TSHZ2: variants seen among roughly 807,000 people sequenced by gnomAD.
TSHZ2 encodes teashirt homolog 2.
A neutral mutation model predicts 74.4 loss-of-function variants in TSHZ2; 21 were observed. That is an observed-to-expected ratio of 0.28 (90% CI 0.20 to 0.41). The LOEUF (loss-of-function observed/expected upper bound fraction) is 0.41, where lower values mean the gene tolerates loss of function less well. Ranked by LOEUF, TSHZ2 falls within the 10% of genes least tolerant of loss-of-function variation. The pLI, the probability that TSHZ2 is intolerant of heterozygous loss-of-function variation, is 1.00. For missense variants in TSHZ2, 1,244 were observed against 1,293.5 expected, an observed-to-expected ratio of 0.96 and a Z score of 0.59; for synonymous variants, 540 against 515.3, an observed-to-expected ratio of 1.05 and a Z score of -0.65.
rs1043111901 is a variant in TSHZ2 at position 53,491,545 on chromosome 20, G to A, written c.*4410G>A. On this transcript the variant is annotated 3_prime_UTR_variant, in exon 3 of 3. Coordinates refer to ENST00000371497, the MANE Select transcript of TSHZ2 (RefSeq NM_173485.6). ...AAGTAAAAGCCACTTATCTCCTTTG[G>A]TTCCCAGTGACAGATTCAGAGGCAT... 3.3e-5 allele frequency: 5 copies of A among 152,092 alleles called. No individual in the cohort carries two copies. Among genetic ancestry groups the A allele is most frequent in the African/African-American group, 1.2e-4 (5 of 41,394 alleles). 9.4% of individuals were successfully genotyped at this position (152,092 alleles called of 1,614,324 possible). A position where few individuals can be genotyped will look rare whatever the true frequency, so the allele number is the denominator to read the frequency against.
rs55692015 is a variant in TSHZ2 at position 53,008,980 on chromosome 20, C to CCTCTCTCTCTCTCTCTCT, written c.40+35681_40+35698dup. 2.3e-4 allele frequency among the ~76,000 whole-genome samples: 30 copies of CCTCTCTCTCTCTCTCTCT among 130,530 alleles called. 1 individual carries two copies. The highest frequency in any genetic ancestry group is 3.4e-4 in the African/African-American group (11 of 31,900). The allele number at this position is 130,530 out of a possible 152,430, so 85.6% of individuals were successfully genotyped here. On this transcript the variant is annotated intron_variant, in intron 1 of 2. Transcript: ENST00000371497. ...GAAGTTATTTGAATGTTGTCTTTCTCCTCTCTCTCTCTCTCTCTCTCTCTC... is the reference window on the plus strand; with the variant it reads ...GAAGTTATTTGAATGTTGTCTTTCTCCTCTCTCTCTCTCTCTCTCTCTCTCTCTCTCTCTCTCTCTCTC...
At chr20:53,016,254 C>T (rs1264098782) in intron 1 of TSHZ2, among the ~76,000 whole-genome samples, 2 of 152,138 alleles carry the variant, frequency 1.3e-5, no homozygotes, top group South Asian at 2.1e-4. Flanking sequence ...TCTTCCTCCT[C>T]CCTTCCCCTC....
chr20:53,342,423 C>T (rs1980245093), intron 2 of TSHZ2, among the ~76,000 whole-genome samples: 1 of 151,194 alleles, frequency 6.6e-6, no homozygotes. Context: ...TTCCATTTTA[C>T]CAATGGGGTT....
At chr20:52,986,919 G>A (rs1981788527) in intron 1 of TSHZ2, among the ~76,000 whole-genome samples, 1 of 152,062 alleles carries the variant, frequency 6.6e-6, no homozygotes, top group East Asian at 1.9e-4. Context: ...GTGTTTGTGT[G>A]TTTTGTGTGT....
intron 2 of TSHZ2, among the ~76,000 whole-genome samples, chr20:53,339,499 G>C (rs1047806837): frequency 6.6e-6 from 1 of 152,182 alleles, no homozygotes; most frequent in Non-Finnish European, 1.5e-5. Context: ...TCTCACACTG[G>C]GGCACGTGGG....
At chr20:53,447,423 C>T (rs148690336) in intron 2 of TSHZ2, among the ~76,000 whole-genome samples, 9 of 152,286 alleles carry the variant, frequency 5.9e-5, no homozygotes, top group African/African-American at 1.7e-4. Flanking sequence ...TGCAAAAAAT[C>T]GCAGTTTATG....
chr20:53,214,970 G>GGGA (rs1989400303), intron 1 of TSHZ2, among the ~76,000 whole-genome samples: 1 of 152,146 alleles, frequency 6.6e-6, no homozygotes. Flanking sequence ...GGGGAGATGA[G>GGGA]GGAAGGGCCA....
At position 53,092,899 on chromosome 20, in the gene TSHZ2, C is replaced by A. The variant is rs148957895; in HGVS notation, c.40+119566C>A. 5.9e-4 allele frequency among the ~76,000 whole-genome samples: 90 copies of A among 152,320 alleles called. 2 individuals are homozygous for A. The highest frequency in any genetic ancestry group is 2.0e-3 in the African/African-American group (85 of 41,576). On this transcript the variant is annotated intron_variant, in intron 1 of 2. Transcript: ENST00000371497. ...GCAGGTCATATAGTCTCTGCAGTACCTACTCAGCTGGAAAGCAGCTATAGA... is the reference window on the plus strand; with the variant it reads ...GCAGGTCATATAGTCTCTGCAGTACATACTCAGCTGGAAAGCAGCTATAGA...
chr20:53,087,709 C>A (rs1247280556), intron 1 of TSHZ2, among the ~76,000 whole-genome samples: 2 of 152,188 alleles, frequency 1.3e-5, no homozygotes, highest in Admixed American at 6.5e-5. Context: ...TGTCTTCAGG[C>A]TATTTAGAGA....
At chr20:53,337,900 G>C (rs1018363634) in intron 2 of TSHZ2, among the ~76,000 whole-genome samples, 2 of 152,210 alleles carry the variant, frequency 1.3e-5, no homozygotes, top group East Asian at 3.8e-4. Context: ...CATGTGAGTT[G>C]CTTAGTCATG....
intron 1 of TSHZ2, among the ~76,000 whole-genome samples, chr20:53,128,441 T>C (rs1987009047): frequency 6.6e-6 from 1 of 152,118 alleles, no homozygotes; most frequent in Non-Finnish European, 1.5e-5. Flanking sequence ...TGTTTCTTGG[T>C]TTTTGTTTAT....
At chr20:53,303,346 A>G (rs1978386777) in intron 2 of TSHZ2, among the ~76,000 whole-genome samples, 1 of 152,348 alleles carries the variant, frequency 6.6e-6, no homozygotes, top group South Asian at 2.1e-4. Context: ...AGTTACACAA[A>G]TATTTCCTTT....
intron 1 of TSHZ2, among the ~76,000 whole-genome samples, chr20:53,037,542 T>G (rs2123083822): frequency 6.6e-6 from 1 of 152,336 alleles, no homozygotes; most frequent in African/African-American, 2.4e-5. Flanking sequence ...AATTAAGTAT[T>G]TCTGTATTTC....
chr20:53,050,004 C>A (rs1984367366), intron 1 of TSHZ2, among the ~76,000 whole-genome samples: 1 of 150,634 alleles, frequency 6.6e-6, no homozygotes, highest in South Asian at 2.1e-4. Flanking sequence ...ATTGCTTGAA[C>A]CTGGAGGCGG....
chr20:52,992,864 C>T (rs1461638130), intron 1 of TSHZ2, among the ~76,000 whole-genome samples: 2 of 152,208 alleles, frequency 1.3e-5, no homozygotes, highest in African/African-American at 4.8e-5. Flanking sequence ...TGTTTCCAAT[C>T]ACTTAGATGA....
At chr20:53,027,040 C>G (rs1171927982) in intron 1 of TSHZ2, among the ~76,000 whole-genome samples, 1 of 151,886 alleles carries the variant, frequency 6.6e-6, no homozygotes, top group African/African-American at 2.4e-5. Context: ...AAATAGTACT[C>G]TAATGTACTC....
At chr20:53,280,661 G>GT (rs950392680) in intron 2 of TSHZ2, among the ~76,000 whole-genome samples, 2 of 142,084 alleles carry the variant, frequency 1.4e-5, no homozygotes, top group Non-Finnish European at 3.0e-5. Flanking sequence ...TTGTTTGTTT[G>GT]TTTTTTGTTG....
At chr20:52,997,946 G>T (rs1241415779) in intron 1 of TSHZ2, among the ~76,000 whole-genome samples, 2 of 152,176 alleles carry the variant, frequency 1.3e-5, no homozygotes, top group East Asian at 3.9e-4. Context: ...TCTCCTAGGA[G>T]CTCATTAGAA....
At chr20:53,246,005 C>T (rs1460103761) in intron 1 of TSHZ2, among the ~76,000 whole-genome samples, 1 of 145,230 alleles carries the variant, frequency 6.9e-6, no homozygotes, top group African/African-American at 2.6e-5. Flanking sequence ...GAAAGTCCTT[C>T]AGTAGCAGCT....
Sources: allele counts gnomAD v4.1 joint callset (sites outside exome capture counted in the v4.1 genomes callset), GRCh38; gene constraint gnomAD v4.1.1; transcripts MANE v1.5; gene names NCBI Gene and HGNC (gene_info 2026-07-23, HGNC 2026-07-21).